Variants in GALNT13 observed in about 807,000 individuals in gnomAD.
GALNT13 encodes polypeptide N-acetylgalactosaminyltransferase 13.
A neutral mutation model predicts 64.2 loss-of-function variants in GALNT13; 28 were observed. The ratio of observed to expected loss-of-function variants is 0.44; its 90% CI spans 0.32 to 0.60. The LOEUF (loss-of-function observed/expected upper bound fraction) is 0.60. Among genes scored for constraint, GALNT13 ranks in the 20% least tolerant of loss-of-function variants. The pLI, the probability that GALNT13 is intolerant of heterozygous loss-of-function variation, is 0.05. For synonymous variants in GALNT13, 214 were observed against 224.6 expected (o/e 0.95, Z 0.42); for missense variants, 577 against 669.8 (o/e 0.86, Z 1.53).
intron 3 of GALNT13, among the ~76,000 whole-genome samples, chr2:154,012,378 A>G (rs1445994644): frequency 6.6e-6 from 1 of 152,118 alleles, no homozygotes; most frequent in African/African-American, 2.4e-5. Context: ...TTTCTTTAAG[A>G]ATGCTGAATA....
the GALNT13 span, among the ~76,000 whole-genome samples, chr2:153,272,177 AATACC>A: frequency 6.6e-6 from 1 of 152,212 alleles, no homozygotes; most frequent in Non-Finnish European, 1.5e-5. Context: ...AAACCTAGGC[AATACC>A]ATTCAGGACA....
chr2:153,803,617 T>G, the GALNT13 span, among the ~76,000 whole-genome samples: 497 of 142,332 alleles, frequency 3.5e-3, 1 homozygote, highest in Non-Finnish European at 3.7e-3. Flanking sequence ...GCGTGAACCC[T>G]GGAGGCGGAG....
intron 3 of GALNT13, among the ~76,000 whole-genome samples, chr2:153,945,761 T>C (rs1031285780): frequency 6.6e-6 from 1 of 152,152 alleles, no homozygotes; most frequent in African/African-American, 2.4e-5. Context: ...GAGTTTGCTT[T>C]AGATTGCAAA....
chr2:153,210,844 G>A, the GALNT13 span, among the ~76,000 whole-genome samples: 1 of 152,094 alleles, frequency 6.6e-6, no homozygotes, highest in African/African-American at 2.4e-5. Context: ...ATGGTATTAT[G>A]TTGTACTTGG....
At chr2:153,252,607 C>A in the GALNT13 span, among the ~76,000 whole-genome samples, 1 of 152,150 alleles carries the variant, frequency 6.6e-6, no homozygotes, top group African/African-American at 2.4e-5. Flanking sequence ...GGTTTTAGGT[C>A]TAACCTGTAA....
the GALNT13 span, among the ~76,000 whole-genome samples, chr2:153,531,898 G>A: frequency 1.3e-5 from 2 of 152,108 alleles, no homozygotes; most frequent in Non-Finnish European, 2.9e-5. Context: ...TTTACATTTA[G>A]GCCACACTGA....
chr2:153,720,257 G>GT, the GALNT13 span, among the ~76,000 whole-genome samples: 3 of 145,576 alleles, frequency 2.1e-5, no homozygotes, highest in East Asian at 6.0e-4. Context: ...GGTCCTGTCT[G>GT]TTAGAAGGAA....
At position 153,918,855 on chromosome 2, in the gene GALNT13, A is replaced by G. The variant is rs185503397; in HGVS notation, c.-105+17848A>G. On this transcript the variant is annotated intron_variant, in intron 2 of 12. Transcript: ENST00000392825. The stretch of plus-strand genomic sequence containing the variant: ...GTCCATTATTAGCTACACTGTAACT[A>G]TTACCTCTACTCATAGCTAAATGTC... Among the ~76,000 whole-genome samples the G allele has an allele frequency of 3.4e-3, 517 of 152,230 alleles. 2 individuals carry two copies. The highest frequency in any genetic ancestry group is 0.012 in the African/African-American group (496 of 41,558).
chr2:153,619,049 A>G, the GALNT13 span, among the ~76,000 whole-genome samples: 1 of 151,856 alleles, frequency 6.6e-6, no homozygotes, highest in Non-Finnish European at 1.5e-5. Context: ...TATGGAGTTA[A>G]TCTTACCATT....
chr2:154,303,341 G>C (rs970902152), intron 9 of GALNT13, among the ~76,000 whole-genome samples: 1 of 151,956 alleles, frequency 6.6e-6, no homozygotes, highest in Non-Finnish European at 1.5e-5. Flanking sequence ...CATAGAGTGC[G>C]GGAAGGCTGG....
chr2:153,645,490 T>C, the GALNT13 span, among the ~76,000 whole-genome samples: 9 of 152,148 alleles, frequency 5.9e-5, no homozygotes, highest in African/African-American at 2.2e-4. Flanking sequence ...TAAAACATAA[T>C]ATATTTCTTT....
chr2:153,880,348 G>T (rs959560775), intron 1 of GALNT13, among the ~76,000 whole-genome samples: 2 of 151,936 alleles, frequency 1.3e-5, no homozygotes, highest in Non-Finnish European at 2.9e-5. Flanking sequence ...AAATAATCTT[G>T]TAAAATGGCT....
At chr2:154,046,449 A>G (rs886677347) in intron 3 of GALNT13, among the ~76,000 whole-genome samples, 1 of 152,166 alleles carries the variant, frequency 6.6e-6, no homozygotes, top group Non-Finnish European at 1.5e-5. Context: ...ACACAGTGCT[A>G]TTTATCATGT....
the GALNT13 span, among the ~76,000 whole-genome samples, chr2:153,133,790 T>C: frequency 3.3e-5 from 5 of 151,790 alleles, no homozygotes; most frequent in Non-Finnish European, 7.4e-5. Flanking sequence ...CTCGATGACA[T>C]GGCTTCCGTC....
intron 1 of GALNT13, among the ~76,000 whole-genome samples, chr2:153,878,130 G>A (rs962134794): frequency 6.6e-6 from 1 of 152,124 alleles, no homozygotes; most frequent in African/African-American, 2.4e-5. Flanking sequence ...TAGTAAGAAT[G>A]ATTGAAAAAG....
At chr2:153,281,226 A>G in the GALNT13 span, among the ~76,000 whole-genome samples, 1 of 151,294 alleles carries the variant, frequency 6.6e-6, no homozygotes, top group African/African-American at 2.4e-5. Flanking sequence ...TTCTGTTTGC[A>G]TGATGGATCT....
chr2:153,586,125 A>G, the GALNT13 span, among the ~76,000 whole-genome samples: 1 of 152,336 alleles, frequency 6.6e-6, no homozygotes, highest in East Asian at 1.9e-4. Flanking sequence ...CCACAAAGAC[A>G]GAGAAAAAGG....
intron 3 of GALNT13, among the ~76,000 whole-genome samples, chr2:153,993,821 A>C (rs1558895192): frequency 2.0e-5 from 3 of 151,726 alleles, no homozygotes; most frequent in Admixed American, 6.6e-5. Flanking sequence ...ATGTAGGTAA[A>C]CCCCCTGTGC....
At chr2:153,261,856 G>A in the GALNT13 span, among the ~76,000 whole-genome samples, 1 of 152,230 alleles carries the variant, frequency 6.6e-6, no homozygotes, top group Admixed American at 6.5e-5. Context: ...CAGGTTCACA[G>A]CAACTATTGC....
Sources: gnomAD v4.1 joint callset for allele counts (sites outside exome capture counted in the v4.1 genomes callset) on GRCh38, gnomAD v4.1.1 for gene constraint, MANE v1.5 for transcripts, NCBI Gene and HGNC (gene_info 2026-07-23, HGNC 2026-07-21) for gene names.